PRPF6: variants seen among roughly 807,000 people sequenced by gnomAD.
PRPF6 encodes the protein pre-mRNA processing factor 6, also known as pre-mRNA-processing factor 6.
A neutral mutation model predicts 118.3 loss-of-function variants in PRPF6; 42 were observed. The observed-to-expected ratio is 0.35, with a 90% confidence interval of 0.28 to 0.46. The LOEUF is 0.46. Ranked by LOEUF, PRPF6 falls within the 20% of genes least tolerant of loss-of-function variation. The pLI, the probability that PRPF6 is intolerant of heterozygous loss-of-function variation, is 1.00. For missense variants in PRPF6, 662 were observed against 1,255.7 expected, an observed-to-expected ratio of 0.53 and a Z score of 7.15; for synonymous variants, 481 against 485.1, an observed-to-expected ratio of 0.99 and a Z score of 0.11.
intron 11 of PRPF6, among the ~76,000 whole-genome samples, chr20:64,012,826 G>A (rs867491697): frequency 1.4e-3 from 192 of 135,644 alleles, no homozygotes; most frequent in African/African-American, 5.3e-3. Flanking sequence ...TTTGCTAGTA[G>A]AAATGATACA....
rs977396909 is a variant in PRPF6 at position 64,026,447 on chromosome 20, G to A, written c.2028+389G>A. Among the ~76,000 whole-genome samples, 3 of 151,922 alleles carry A rather than the reference G, an allele frequency of 2.0e-5. No homozygotes were observed. The highest frequency in any genetic ancestry group is 4.8e-5 in the African/African-American group (2 of 41,340). On this transcript the variant is annotated intron_variant, in intron 15 of 20. Coordinates refer to ENST00000266079, the MANE Select transcript of PRPF6 (RefSeq NM_012469.4). The surrounding 1 kb of genome is among the most constrained non-coding windows in gnomAD (Gnocchi z 4.4). ...CTTGAACCCCGGGGGTGGAGGTTGC[G>A]GTGAGCTGAGATCGCGCCACTGCAC...
chr20:63,986,218 G>C (rs567988390), intron 3 of PRPF6, among the ~76,000 whole-genome samples: 1 of 151,430 alleles, frequency 6.6e-6, no homozygotes, highest in African/African-American at 2.4e-5. Context: ...GGTGGTGTAC[G>C]CCTATAATCC....
rs570846288 is a variant in PRPF6 at position 63,983,468 on chromosome 20, C to CT, written c.240+265dup. On this transcript the variant is annotated intron_variant, in intron 2 of 20. Transcript: ENST00000266079. ...GCCTTGGCATTTTCTATTGCCCAGT[C>CT]TTTTTTTTTTTTGAGACGGAATTTC... is the stretch of plus-strand genomic sequence containing the variant. Among the ~76,000 whole-genome samples the CT allele has an allele frequency of 3.6e-3, 464 of 129,024 alleles. 14 individuals carry two copies. Among genetic ancestry groups the CT allele is most frequent in the African/African-American group, 0.012 (413 of 33,828 alleles). The allele number at this position is 129,024 out of a possible 152,430, so 84.6% of individuals were successfully genotyped here. A position where few individuals can be genotyped will look rare whatever the true frequency, so the allele number is the denominator to read the frequency against.
Position 64,026,748 on chromosome 20 carries a change from C to T in PRPF6, c.2029-234C>T, listed in dbSNP as rs574728585. ...CCAGCAGGTGGAGCTTGCAGTGAGC[C>T]GAGATCGTGCCACTGCACTCCAGCC... On this transcript the variant is annotated intron_variant, in intron 15 of 20. Coordinates refer to ENST00000266079, the MANE Select transcript of PRPF6 (RefSeq NM_012469.4). The surrounding 1 kb of genome is among the most constrained non-coding windows in gnomAD (Gnocchi z 4.4). 2.7e-5 allele frequency among the ~76,000 whole-genome samples: 4 copies of T among 150,010 alleles called. No homozygotes were observed. Among genetic ancestry groups the T allele is most frequent in the Non-Finnish European group, 4.4e-5 (3 of 67,492 alleles).
rs1055287411 is a variant in PRPF6, at chr20:64,011,577, T to TGGG, written c.1524+77_1524+79dup. The TGGG allele has an allele frequency of 2.0e-6, 3 of 1,488,856 alleles. No individual in the cohort carries two copies. The highest frequency in any genetic ancestry group is 2.7e-6 in the Non-Finnish European group (3 of 1,097,342). The allele number at this position is 1,488,856 out of a possible 1,614,324, so 92.2% of individuals were successfully genotyped here. ...AGCACGTGAGAGTCCCACGCAGGAC[T>TGGG]GGGGGTTGCTGGATGGTACTGGGGA... On this transcript the variant is annotated intron_variant, in intron 11 of 20. Coordinates refer to ENST00000266079, the MANE Select transcript of PRPF6 (RefSeq NM_012469.4). The surrounding 1 kb of genome is among the most constrained non-coding windows in gnomAD (Gnocchi z 6.7).
At chr20:63,981,917 G>GT (rs1288478351) in intron 1 of PRPF6, among the ~76,000 whole-genome samples, 1 of 152,070 alleles carries the variant, frequency 6.6e-6, no homozygotes, top group Non-Finnish European at 1.5e-5. Context: ...TTAATGGAGA[G>GT]TAGCATTGGA....
At chr20:64,016,574 G>A (rs1156469828) in intron 11 of PRPF6, 149 bp from the exon 12 acceptor site, 1 of 975,006 alleles carries the variant, frequency 1.0e-6, no homozygotes, top group Non-Finnish European at 1.6e-6. Flanking sequence ...GCGTGCAGTA[G>A]ACTCACTTCC....
At chr20:64,031,821 G>A (rs1204251562) in intron 19 of PRPF6, 97 bp from the exon 20 acceptor site, 1 of 1,551,878 alleles carries the variant, frequency 6.4e-7, no homozygotes, top group Non-Finnish European at 8.9e-7. Flanking sequence ...AGGGCTGCGG[G>A]TCAGGGATGA....
chr20:63,999,095 G>A lies in PRPF6; in HGVS notation c.822G>A (p.Leu274=). 1 of 1,613,968 alleles carries A rather than the reference G, an allele frequency of 6.2e-7. No individual in the cohort carries two copies. The highest frequency in any genetic ancestry group is 8.5e-7 in the Non-Finnish European group (1 of 1,179,964). ...CCGTCGTTGACCCCAAAGGCTACCT[G>A]ACGGATTTAAATTCCATGATCCCGA... ...GQTVVDPKGY[L]TDLNSMIPTH... is the part of the protein sequence containing the mutation. Residue 274 remains leucine (L), a synonymous_variant, in exon 7 of 21, where the codon CTG becomes CTA. Coordinates refer to ENST00000266079, the MANE Select transcript of PRPF6 (RefSeq NM_012469.4).
intron 12 of PRPF6, among the ~76,000 whole-genome samples, chr20:64,019,231 T>G (rs1377914592): frequency 6.6e-6 from 1 of 151,324 alleles, no homozygotes; most frequent in Non-Finnish European, 1.5e-5. Flanking sequence ...CTCAGCCTCC[T>G]GAGTAGCTGG....
chr20:64,001,273 C>T, intron 9 of PRPF6, 34 bp downstream of exon 9: 2 of 1,612,424 alleles, frequency 1.2e-6, no homozygotes, highest in Non-Finnish European at 8.5e-7. Context: ...CTTTCTCCCT[C>T]CTTGGGGCCC....
intron 9 of PRPF6, among the ~76,000 whole-genome samples, chr20:64,002,445 C>T (rs1485673434): frequency 2.6e-5 from 4 of 151,642 alleles, no homozygotes; most frequent in African/African-American, 7.3e-5. Context: ...AAGTGATTCT[C>T]CTGCCTCAGC....
intron 3 of PRPF6, among the ~76,000 whole-genome samples, chr20:63,986,113 G>A (rs1198199752): frequency 6.6e-6 from 1 of 152,014 alleles, no homozygotes; most frequent in Non-Finnish European, 1.5e-5. Context: ...GTGGGCGGAT[G>A]ATGGGTCATC....
At position 63,985,060 on chromosome 20, in the gene PRPF6, C is replaced by A; in HGVS notation, c.359+35C>A. On this transcript the variant is annotated intron_variant, in intron 3 of 20. Coordinates refer to ENST00000266079, the MANE Select transcript of PRPF6 (RefSeq NM_012469.4). ...ATTGTTGCCTTTCACAATATTTATC[C>A]AAGTTTAAAAAAAAGTTTTGTGGCC... is the stretch of plus-strand genomic sequence containing the variant. 3 of 1,583,484 alleles carry A rather than the reference C, an allele frequency of 1.9e-6. No individual in the cohort carries two copies. In the South Asian group the frequency reaches 3.3e-5, roughly 18 times the overall value.
chr20:63,987,042 C>G (rs923837266), intron 3 of PRPF6, among the ~76,000 whole-genome samples: 1 of 151,484 alleles, frequency 6.6e-6, no homozygotes, highest in Non-Finnish European at 1.5e-5. Context: ...TCGTGGCACA[C>G]ACCTGTAGTC....
intron 9 of PRPF6, among the ~76,000 whole-genome samples, chr20:64,009,043 G>T (rs566222879): frequency 6.6e-6 from 1 of 152,006 alleles, no homozygotes; most frequent in East Asian, 1.9e-4. Context: ...CCAGCACTTC[G>T]GGAGGCCGAG....
At chr20:64,017,417 CCTCCCAGA>C (rs1342048996) in intron 12 of PRPF6, among the ~76,000 whole-genome samples, 1 of 150,698 alleles carries the variant, frequency 6.6e-6, no homozygotes, top group Non-Finnish European at 1.5e-5. Flanking sequence ...CCGCGCCCGG[CCTCCCAGA>C]GTGCTGGGAT....
Position 64,002,946 on chromosome 20 carries a change from A to AT in PRPF6, c.1186+1723dup, listed in dbSNP as rs1226018197. Among the ~76,000 whole-genome samples the AT allele has an allele frequency of 3.2e-3, 417 of 129,808 alleles. 1 individual carries two copies. Among genetic ancestry groups the AT allele is most frequent in the African/African-American group, 7.3e-3 (255 of 34,878 alleles). 85.2% of individuals were successfully genotyped at this position (129,808 alleles called of 152,430 possible). ...GGCGTGAGCCACTGTGCCCGGCCAG[A>AT]TTTTTTTTTTTTTTTTGAGACAGCG... On this transcript the variant is annotated intron_variant, in intron 9 of 20. Coordinates refer to ENST00000266079, the MANE Select transcript of PRPF6 (RefSeq NM_012469.4).
chr20:63,994,306 TGC>T (rs1267361657), intron 4 of PRPF6, among the ~76,000 whole-genome samples: 2 of 151,976 alleles, frequency 1.3e-5, no homozygotes, highest in African/African-American at 4.8e-5. Context: ...TACAGGCATG[TGC>T]CACCATGCCC....
Sources: gnomAD v4.1 joint callset for allele counts (sites outside exome capture counted in the v4.1 genomes callset) on GRCh38, gnomAD v4.1.1 for gene constraint, Gnocchi (gnomAD v3.1) non-coding constraint, MANE v1.5 for transcripts, NCBI Gene and HGNC (gene_info 2026-07-23, HGNC 2026-07-21) for gene names.